SLC17A5: variants seen among roughly 807,000 people sequenced by gnomAD.
SLC17A5 encodes sialin.
In SLC17A5, 47 loss-of-function variants were observed where a neutral mutation model predicts 59.4. The ratio of observed to expected loss-of-function variants is 0.79; its 90% CI spans 0.63 to 1.01. The LOEUF is 1.01. Ranked by LOEUF, SLC17A5 falls within the 50% of genes least tolerant of loss-of-function variation. The probability of loss-of-function intolerance (pLI) is 0.00; values close to 1 mark genes in which losing one functional copy is unlikely to be tolerated. For missense variants in SLC17A5, 522 were observed against 595.5 expected (o/e 0.88, Z 1.28); for synonymous variants, 202 against 210.7 (o/e 0.96, Z 0.36).
At chr6:73,642,028 T>G in intron 2 of SLC17A5, 104 bp from the exon 3 acceptor site, 1 of 1,006,066 alleles carries the variant, frequency 9.9e-7, no homozygotes, top group Non-Finnish European at 1.6e-6. Flanking sequence ...TTTGAACCAC[T>G]ATTTTGGACT....
chr6:73,645,209 T>C, intron 1 of SLC17A5: 1 of 278,664 alleles, frequency 3.6e-6, no homozygotes, highest in Non-Finnish European at 5.4e-6. Context: ...TTAGTAGCCA[T>C]CTCATTGTTA....
chr6:73,607,869 C>T (rs183717329), intron 9 of SLC17A5, among the ~76,000 whole-genome samples: 6 of 151,048 alleles, frequency 4.0e-5, no homozygotes, highest in East Asian at 3.9e-4. Context: ...CTCTGCCTCC[C>T]GGGTTCAAGC....
intron 9 of SLC17A5, among the ~76,000 whole-genome samples, chr6:73,604,449 A>G (rs2150081479): frequency 6.6e-6 from 1 of 151,834 alleles, no homozygotes; most frequent in African/African-American, 2.4e-5. Flanking sequence ...CCATAGAAAA[A>G]TCTCTATTTT....
Position 73,649,043 on chromosome 6 carries a change from G to A in SLC17A5, c.95-4440C>T, listed in dbSNP as rs543521936. Among the ~76,000 whole-genome samples the A allele has an allele frequency of 3.3e-5, 5 of 151,124 alleles. No homozygotes were observed. The East Asian group carries it at 9.8e-4, about 30-fold the overall frequency. ...GATGGAGTCTTTCTCTGTCTCCCAG[G>A]CTGGAGTGCAGTGGCACAATCTCAG... On this transcript the variant is annotated intron_variant, in intron 1 of 10. Transcript: ENST00000355773.
intron 7 of SLC17A5, among the ~76,000 whole-genome samples, chr6:73,619,309 A>G (rs771754597): frequency 6.6e-6 from 1 of 152,206 alleles, no homozygotes; most frequent in Non-Finnish European, 1.5e-5. Flanking sequence ...ATTCATAAAA[A>G]ATACAATATT....
At chr6:73,613,558 T>A (rs571375042) in intron 8 of SLC17A5, among the ~76,000 whole-genome samples, 4 of 152,256 alleles carry the variant, frequency 2.6e-5, no homozygotes, top group African/African-American at 9.6e-5. Flanking sequence ...TAGACAGGGT[T>A]TCACCATGTT....
rs774631333 is a variant in SLC17A5 at position 73,644,596 on chromosome 6, C to T, written c.102G>A (p.Val34=). ...PGAPRAEAAP[V]CCSARYNLAI... is the part of the protein sequence containing the mutation. ...CTAAGTTGTAACGAGCAGAGCAGCA[C>T]ACTGGAGCTGAAATAAAGATTGGGG... Residue 34 remains valine (V), a synonymous_variant, in exon 2 of 11, where the codon GTG becomes GTA. Transcript: ENST00000355773. 3.1e-6 allele frequency: 5 copies of T among 1,613,068 alleles called. No individual in the cohort carries two copies. Among genetic ancestry groups the T allele is most frequent in the Non-Finnish European group, 4.2e-6 (5 of 1,179,616 alleles).
intron 10 of SLC17A5, among the ~76,000 whole-genome samples, chr6:73,596,003 G>A (rs1035307710): frequency 3.3e-5 from 5 of 149,948 alleles, no homozygotes; most frequent in Admixed American, 1.3e-4. Flanking sequence ...ATGGGGTTTC[G>A]CCATGTTTCC....
At position 73,641,711 on chromosome 6, in the gene SLC17A5, C is replaced by A; in HGVS notation, c.505G>T (p.Ala169Ser). 6.2e-7 allele frequency: 1 copy of A among 1,613,534 alleles called. No individual in the cohort carries two copies. Among genetic ancestry groups the A allele is most frequent in the South Asian group, 1.1e-5 (1 of 91,064 alleles). The change falls in exon 3 of 11, where the codon GCA becomes TCA. Residue 169 changes from alanine (A) to serine (S), a missense_variant. Around this residue, in one of 3 missense-constraint regions of SLC17A5, gnomAD observed 338 missense variants for 363.8 expected, o/e 0.93. Transcript: ENST00000355773. ...LGVGPLIVLR[A>S]LEGLGEGVTF... ...ATTACCTCTCCTAGTCCTTCTAGTG[C>A]TCTGAGTACAATGAGTGGTCCAACT...
intron 1 of SLC17A5, among the ~76,000 whole-genome samples, chr6:73,645,766 C>CGACAGA (rs1026247940): frequency 3.3e-5 from 4 of 122,278 alleles, no homozygotes; most frequent in Admixed American, 1.1e-4. Flanking sequence ...CCAGCCTGGG[C>CGACAGA]GACAGAGACA....
At chr6:73,630,446 C>T (rs931703695) in intron 6 of SLC17A5, among the ~76,000 whole-genome samples, 1 of 152,216 alleles carries the variant, frequency 6.6e-6, no homozygotes, top group African/African-American at 2.4e-5. Flanking sequence ...TGAACTGCAA[C>T]TCTTGCTTGT....
In SLC17A5 at chr6:73,621,750, C is replaced by T. The variant is rs1405594875; in HGVS notation, c.978+54G>A. 2.9e-6 allele frequency: 4 copies of T among 1,389,544 alleles called. 1 individual carries two copies. The highest frequency in any genetic ancestry group is 1.4e-5 in the African/African-American group (1 of 69,406). 86.1% of individuals were successfully genotyped at this position (1,389,544 alleles called of 1,614,324 possible). ...AATTTTATACAGATGAGAACAAATT[C>T]TGTGTATGGTCTTATACTATATATA... On this transcript the variant is annotated intron_variant, in intron 7 of 10. Coordinates refer to ENST00000355773, the MANE Select transcript of SLC17A5 (RefSeq NM_012434.5).
intron 6 of SLC17A5, among the ~76,000 whole-genome samples, chr6:73,628,642 C>T (rs543422767): frequency 6.9e-6 from 1 of 144,426 alleles, no homozygotes; most frequent in Admixed American, 7.4e-5. Context: ...ATCATTTGCT[C>T]AGCCAACATT....
At chr6:73,600,532 A>C in intron 9 of SLC17A5, 91 bp from the exon 10 acceptor site, 1 of 974,386 alleles carries the variant, frequency 1.0e-6, no homozygotes, top group Non-Finnish European at 1.5e-6. Context: ...TTTTTGAGAC[A>C]GAGTCTCACT....
Position 73,645,731 on chromosome 6 carries a change from C to A in SLC17A5, c.95-1128G>T, listed in dbSNP as rs539230570. On this transcript the variant is annotated intron_variant, in intron 1 of 10. Coordinates refer to ENST00000355773, the MANE Select transcript of SLC17A5 (RefSeq NM_012434.5). ...TGAACCCGGGAGGCGGAGCTTGCAG[C>A]GAGAGGAGATCGCGCCACTGCACTC... 6.8e-4 allele frequency among the ~76,000 whole-genome samples: 96 copies of A among 140,486 alleles called. 3 individuals are homozygous for A. The South Asian group carries it at 0.019, about 28-fold the overall frequency. 92.2% of individuals were successfully genotyped at this position (140,486 alleles called of 152,430 possible).
At chr6:73,619,922 GTT>G (rs1174723514) in intron 7 of SLC17A5, among the ~76,000 whole-genome samples, 3,638 of 118,990 alleles carry the variant, frequency 0.031, 108 homozygotes, top group African/African-American at 0.1. Flanking sequence ...TTGAGAATTT[GTT>G]TTTTTTTTTT....
Position 73,627,876 on chromosome 6 carries a change from G to A in SLC17A5, c.820-5914C>T, listed in dbSNP as rs1052983072. On this transcript the variant is annotated intron_variant, in intron 6 of 10. Coordinates refer to ENST00000355773, the MANE Select transcript of SLC17A5 (RefSeq NM_012434.5). ...ACTCCTAACCTCAGGCGATCCACCT[G>A]CCTCAAAAGTGCTGGGATTACAGGC... 3.3e-5 allele frequency among the ~76,000 whole-genome samples: 5 copies of A among 149,942 alleles called. No individual in the cohort carries two copies. In the East Asian group the frequency reaches 9.8e-4, roughly 29 times the overall value.
Position 73,621,888 on chromosome 6 carries a change from G to C in SLC17A5, c.894C>G (p.His298Gln). 1 of 1,613,614 alleles carries C rather than the reference G, an allele frequency of 6.2e-7. No individual in the cohort carries two copies. Among genetic ancestry groups the C allele is most frequent in the Non-Finnish European group, 8.5e-7 (1 of 1,179,564 alleles). ...SLPLWAIVVA[H>Q]FSYNWTFYTL... is the part of the protein sequence containing the mutation. The stretch of plus-strand genomic sequence containing the variant: ...TATAAAAAGTCCAGTTGTAAGAAAA[G>C]TGTGCAACTACGATAGCCCAAAGTG... Residue 298 changes from histidine to glutamine, a missense_variant, in exon 7 of 11, where the codon CAC becomes CAG. By Grantham distance (24) the His-to-Gln change is conservative. Around this residue, in one of 3 missense-constraint regions of SLC17A5, gnomAD observed 338 missense variants for 363.8 expected, o/e 0.93. Coordinates refer to ENST00000355773, the MANE Select transcript of SLC17A5 (RefSeq NM_012434.5).
At chr6:73,653,224 C>T in intron 1 of SLC17A5, 1 of 985,414 alleles carries the variant, frequency 1.0e-6, no homozygotes, top group Non-Finnish European at 1.2e-6. Flanking sequence ...CAAATGTTAA[C>T]TCCAGTCCTT....
Sources: gnomAD v4.1 joint callset for allele counts (sites outside exome capture counted in the v4.1 genomes callset) on GRCh38, gnomAD v4.1.1 for gene constraint, gnomAD v4.1.1 regional missense constraint, MANE v1.5 for transcripts, NCBI Gene and HGNC (gene_info 2026-07-23, HGNC 2026-07-21) for gene names.